UBA5: variants seen among roughly 807,000 people sequenced by gnomAD.
The protein encoded by UBA5 is ubiquitin-like modifier-activating enzyme 5.
In UBA5, 28 loss-of-function variants were observed where a neutral mutation model predicts 52.9. The observed-to-expected ratio is 0.53, with a 90% CI of 0.39 to 0.73. The LOEUF is 0.73. Ranked by LOEUF, UBA5 falls within the 30% of genes least tolerant of loss-of-function variation. The pLI, the probability that UBA5 is intolerant of heterozygous loss-of-function variation, is 0.00. For missense variants in UBA5, 388 were observed against 492.7 expected, an observed-to-expected ratio of 0.79 and a Z score of 2.01; for synonymous variants, 135 against 162.1, an observed-to-expected ratio of 0.83 and a Z score of 1.27.
At chr3:132,670,357 G>T in intron 5 of UBA5, 73 bp downstream of exon 5, 5 of 644,592 alleles carry the variant, frequency 7.8e-6, no homozygotes, top group Admixed American at 3.7e-5. Flanking sequence ...AAAAATCTAT[G>T]GATTAATCCA....
upstream of UBA5, chr3:132,659,776 C>G (rs763776116): frequency 6.4e-6 from 10 of 1,569,730 alleles, no homozygotes; most frequent in East Asian, 2.1e-4. Context: ...GCCACAGCAA[C>G]GCGGCATCCA....
chr3:132,677,932 T>C lies in UBA5; in HGVS notation c.*1406T>C, dbSNP rs1938903681. On this transcript the variant is annotated 3_prime_UTR_variant, in exon 12 of 12. Transcript: ENST00000356232. ...TGTTGCCTTGGTGAGTCTTCTATCA[T>C]TTTTTAAAAATTTAGCTTATTGAAC... The C allele has an allele frequency of 6.6e-6, 1 of 152,218 alleles. No homozygotes were observed. The allele number at this position is 152,218 out of a possible 1,614,324, so 9.4% of individuals were successfully genotyped here. A position where few individuals can be genotyped will look rare whatever the true frequency, so the allele number is the denominator to read the frequency against.
At position 132,676,956 on chromosome 3, in the gene UBA5, G is replaced by T; in HGVS notation, c.*430G>T. The T allele has an allele frequency of 2.3e-6, 1 of 435,464 alleles. No individual in the cohort carries two copies. Among genetic ancestry groups the T allele is most frequent in the Non-Finnish European group, 4.7e-6 (1 of 214,850 alleles). 27.0% of individuals were successfully genotyped at this position (435,464 alleles called of 1,614,324 possible). ...GGCATACAGCTTATTGATTAGAGCT[G>T]GCAAGCATCTGCTCATTATGTTTGG... is the stretch of plus-strand genomic sequence containing the variant. On this transcript the variant is annotated 3_prime_UTR_variant, in exon 12 of 12. Transcript: ENST00000356232. This position sits in a 1 kb window ranked among gnomAD's most constrained non-coding sequence, Gnocchi z 4.1.
upstream of UBA5, among the ~76,000 whole-genome samples, chr3:132,659,294 T>C (rs147918900): frequency 3.4e-3 from 525 of 152,308 alleles, 3 homozygotes; most frequent in African/African-American, 0.012. Context: ...AGGCATCTAT[T>C]TCTCAGAATT....
intron 3 of UBA5, chr3:132,668,285 A>T (rs1938462889): frequency 6.6e-6 from 1 of 152,298 alleles, no homozygotes; most frequent in South Asian, 2.1e-4. Context: ...TGTTTTAGCC[A>T]TGTCACTGGT....
Position 132,660,580 on chromosome 3 carries a change from C to T in UBA5, c.43C>T (p.Leu15=). 6.4e-7 allele frequency: 1 copy of T among 1,551,598 alleles called. No individual in the cohort carries two copies. The highest frequency in any genetic ancestry group is 8.7e-7 in the Non-Finnish European group (1 of 1,147,880). ...VERLQQRVQE[L]ERELAQERSL... ...GCGCCTGCAGCAGCGGGTCCAGGAG[C>T]TGGAGCGGGAACTTGCCCAGGAGAG... Residue 15 remains leucine, a synonymous_variant, in exon 1 of 12, where the codon CTG becomes TTG. Coordinates refer to ENST00000356232, the MANE Select transcript of UBA5 (RefSeq NM_024818.6). This position sits in a 1 kb window ranked among gnomAD's most constrained non-coding sequence, Gnocchi z 4.1.
At chr3:132,675,481 A>G (rs989737121) in intron 9 of UBA5, 98 bp downstream of exon 9, 15 of 1,526,280 alleles carry the variant, frequency 9.8e-6, no homozygotes, top group Admixed American at 3.8e-5. Context: ...TTTATTCACC[A>G]TACTTCAAAA....
upstream of UBA5, chr3:132,659,569 T>C: frequency 6.2e-7 from 1 of 1,607,558 alleles, no homozygotes; most frequent in Non-Finnish European, 8.5e-7. Context: ...TGTACAAATT[T>C]TTTTCCGCTG....
At position 132,671,022 on chromosome 3, in the gene UBA5, T is replaced by C; in HGVS notation, c.552T>C (p.Asn184=). ...ATCTAGTTCTTAGCTGTGTGGACAATTTTGAAGCTCGAATGACAATAAATA... is the reference window on the plus strand; with the variant it reads ...ATCTAGTTCTTAGCTGTGTGGACAACTTTGAAGCTCGAATGACAATAAATA... ...PVDLVLSCVD[N]FEARMTINTA... Residue 184 remains asparagine, a synonymous_variant, in exon 6 of 12, where the codon AAT becomes AAC. Transcript: ENST00000356232. 1 of 1,613,322 alleles carries C rather than the reference T, an allele frequency of 6.2e-7. No individual in the cohort carries two copies. The highest frequency in any genetic ancestry group is 8.5e-7 in the Non-Finnish European group (1 of 1,179,504).
rs111430707 is a variant in UBA5 at position 132,674,948 on chromosome 3, C to T, written c.813-300C>T. Among the ~76,000 whole-genome samples, 192 of 152,116 alleles carry T rather than the reference C, an allele frequency of 1.3e-3. 1 individual carries two copies. Among genetic ancestry groups the T allele is most frequent in the African/African-American group, 3.9e-3 (161 of 41,488 alleles). The stretch of plus-strand genomic sequence containing the variant: ...TCAGCATGCTTCTTGAAGTTGTTGA[C>T]GTGTAATTGTTTAGCTGCCAGCATT... On this transcript the variant is annotated intron_variant, in intron 8 of 11. Transcript: ENST00000356232.
chr3:132,656,506 T>TG (rs948499215), upstream of UBA5, among the ~76,000 whole-genome samples: 27 of 151,940 alleles, frequency 1.8e-4, no homozygotes, highest in African/African-American at 6.5e-4. Context: ...TTTTTTTTTT[T>TG]TTTGAGACGG....
chr3:132,666,109 C>T, intron 3 of UBA5, 36 bp downstream of exon 3: 1 of 1,563,372 alleles, frequency 6.4e-7, no homozygotes, highest in Admixed American at 1.7e-5. Flanking sequence ...ATATAGGGAA[C>T]TACTCACTCC....
In UBA5 at chr3:132,675,935, A is replaced by C; in HGVS notation, c.1131+12A>C. On this transcript the variant is annotated intron_variant, in intron 11 of 11. Transcript: ENST00000356232. ...CAATTCCAAAAAAGGTACTTCAAAA[A>C]TATGATTTACCCATATGTAAATATC... 3.9e-6 allele frequency: 6 copies of C among 1,519,388 alleles called. No homozygotes were observed. The highest frequency in any genetic ancestry group is 5.4e-6 in the Non-Finnish European group (6 of 1,106,848). The allele number at this position is 1,519,388 out of a possible 1,614,324, so 94.1% of individuals were successfully genotyped here.
chr3:132,659,816 T>C (rs1938038096), upstream of UBA5: 8 of 1,519,294 alleles, frequency 5.3e-6, no homozygotes, highest in East Asian at 2.4e-5. Flanking sequence ...TCCTTCAGGA[T>C]TGGGGCAACG....
At chr3:132,659,580 G>C (rs1489607557), upstream of UBA5, 1 of 1,606,514 alleles carries the variant, frequency 6.2e-7, no homozygotes, top group South Asian at 1.1e-5. Context: ...TTTTCCGCTG[G>C]AGGCAAAGGC....
intron 6 of UBA5, 41 bp from the exon 7 acceptor site, chr3:132,671,736 T>A (rs761932331): frequency 9.1e-6 from 13 of 1,432,888 alleles, no homozygotes; most frequent in Non-Finnish European, 1.2e-5. Context: ...CTTCTTGCTC[T>A]TTTATTTTTT....
chr3:132,661,906 C>T (rs147340607), intron 1 of UBA5, among the ~76,000 whole-genome samples: 2 of 152,224 alleles, frequency 1.3e-5, no homozygotes, highest in Admixed American at 6.5e-5. Context: ...CAAATATGAA[C>T]GGTTAATGGT....
Position 132,678,643 on chromosome 3 carries a change from T to G in UBA5, c.*2117T>G, listed in dbSNP as rs1184234041. Reference sequence around the variant, plus strand: ...AAAAAACGTAATGGCCACTTAAGAATATTTATTTATTTATTTATTTTTTTG... The same window carrying G: ...AAAAAACGTAATGGCCACTTAAGAAGATTTATTTATTTATTTATTTTTTTG... On this transcript the variant is annotated 3_prime_UTR_variant, in exon 12 of 12. Coordinates refer to ENST00000356232, the MANE Select transcript of UBA5 (RefSeq NM_024818.6). Among the ~76,000 whole-genome samples the G allele has an allele frequency of 1.3e-5, 2 of 151,946 alleles. No homozygotes were observed. Among genetic ancestry groups the G allele is most frequent in the African/African-American group, 4.8e-5 (2 of 41,310 alleles).
upstream of UBA5, among the ~76,000 whole-genome samples, chr3:132,655,633 C>T (rs73002041): frequency 0.035 from 5,318 of 152,292 alleles, 158 homozygotes; most frequent in African/African-American, 0.074. Context: ...CTTCCTGCCC[C>T]ACACCCAAAC....
Sources: gnomAD v4.1 joint callset for allele counts (sites outside exome capture counted in the v4.1 genomes callset) on GRCh38, gnomAD v4.1.1 for gene constraint, Gnocchi (gnomAD v3.1) non-coding constraint, MANE v1.5 for transcripts, NCBI Gene and HGNC (gene_info 2026-07-23, HGNC 2026-07-21) for gene names.